Variants in GRIK4 observed in about 807,000 individuals in gnomAD.
GRIK4 encodes glutamate receptor ionotropic, kainate 4.
Under a neutral mutation model 104.9 loss-of-function variants are expected in GRIK4, and 40 were observed. The ratio of observed to expected loss-of-function variants is 0.38; its 90% CI spans 0.30 to 0.50. The LOEUF (loss-of-function observed/expected upper bound fraction) is 0.50, where lower values mean the gene tolerates loss of function less well. Among genes scored for constraint, GRIK4 ranks in the 20% least tolerant of loss-of-function variants. The pLI, the probability that GRIK4 is intolerant of heterozygous loss-of-function variation, is 0.93. For missense variants in GRIK4, 1,047 were observed against 1,308.1 expected (o/e 0.80, Z 3.08); for synonymous variants, 485 against 524.9 (o/e 0.92, Z 1.04).
chr11:120,533,494 C>T (rs1229983911), intron 1 of GRIK4, among the ~76,000 whole-genome samples: 1 of 152,222 alleles, frequency 6.6e-6, no homozygotes, highest in African/African-American at 2.4e-5. Flanking sequence ...TGCCTCACTG[C>T]TGCTGTCTGG....
At chr11:120,548,309 A>G (rs1948106321) in intron 1 of GRIK4, among the ~76,000 whole-genome samples, 1 of 152,086 alleles carries the variant, frequency 6.6e-6, no homozygotes, top group East Asian at 1.9e-4. Context: ...GGGGTGGGGT[A>G]GTCAAGGATG....
chr11:120,720,946 G>A (rs1393549238), intron 3 of GRIK4, among the ~76,000 whole-genome samples: 1 of 151,766 alleles, frequency 6.6e-6, no homozygotes, highest in South Asian at 2.1e-4. Flanking sequence ...ATGATTCTAG[G>A]TTCCAAAGCT....
chr11:120,641,263 C>T (rs558324167), intron 1 of GRIK4, among the ~76,000 whole-genome samples: 2 of 152,036 alleles, frequency 1.3e-5, no homozygotes, highest in East Asian at 3.9e-4. Context: ...CTAAAAAGTC[C>T]TGAATTAGTA....
At chr11:120,922,612 A>G (rs1943248915) in intron 13 of GRIK4, among the ~76,000 whole-genome samples, 1 of 152,316 alleles carries the variant, frequency 6.6e-6, no homozygotes, top group African/African-American at 2.4e-5. Flanking sequence ...TCCTGGCCAG[A>G]GTCATTATAT....
At chr11:120,891,105 G>A (rs1295990092) in intron 11 of GRIK4, among the ~76,000 whole-genome samples, 1 of 152,246 alleles carries the variant, frequency 6.6e-6, no homozygotes, top group East Asian at 1.9e-4. Flanking sequence ...TTCTAGGCAG[G>A]AGTGAGAGCT....
chr11:120,608,193 G>A (rs1013659690), intron 1 of GRIK4, among the ~76,000 whole-genome samples: 34 of 152,198 alleles, frequency 2.2e-4, no homozygotes, highest in African/African-American at 7.0e-4. Flanking sequence ...AGGTCAGGAG[G>A]CCAGCAATGA....
At chr11:120,654,368 T>C (rs1032983258) in intron 2 of GRIK4, among the ~76,000 whole-genome samples, 1 of 152,052 alleles carries the variant, frequency 6.6e-6, no homozygotes, top group African/African-American at 2.4e-5. Flanking sequence ...TTATTATCAT[T>C]ATTATTATTA....
intron 3 of GRIK4, among the ~76,000 whole-genome samples, chr11:120,737,558 G>C (rs566297465): frequency 1.7e-4 from 26 of 152,234 alleles, no homozygotes; most frequent in African/African-American, 6.3e-4. Context: ...AATTCCATTG[G>C]GCAAACGAAC....
In GRIK4 at chr11:120,973,534, G is replaced by A. The variant is rs146677957; in HGVS notation, c.2395+6211G>A. 6.5e-3 allele frequency among the ~76,000 whole-genome samples: 994 copies of A among 152,336 alleles called. 10 individuals carry two copies. The highest frequency in any genetic ancestry group is 0.022 in the African/African-American group (905 of 41,568). Reference sequence around the variant, plus strand: ...CTACGGTCATCCTTTGGAACAAGAGGTTGAGCTATATTAATAAGAGGCAAT... The same window carrying A: ...CTACGGTCATCCTTTGGAACAAGAGATTGAGCTATATTAATAAGAGGCAAT... On this transcript the variant is annotated intron_variant, in intron 19 of 20. Transcript: ENST00000527524.
At chr11:120,971,567 C>A (rs768115396) in intron 19 of GRIK4, among the ~76,000 whole-genome samples, 10 of 152,166 alleles carry the variant, frequency 6.6e-5, no homozygotes, top group Non-Finnish European at 1.5e-4. Context: ...AGGCACTGTG[C>A]GAGGCTCTGA....
intron 6 of GRIK4, among the ~76,000 whole-genome samples, chr11:120,825,832 A>G (rs1841953640): frequency 1.3e-5 from 2 of 152,134 alleles, no homozygotes; most frequent in East Asian, 1.9e-4. Context: ...ACATTTAATT[A>G]CTGTTATTTT....
chr11:120,730,158 C>T (rs775462927), intron 3 of GRIK4, among the ~76,000 whole-genome samples: 4 of 151,928 alleles, frequency 2.6e-5, no homozygotes, highest in East Asian at 1.9e-4. Flanking sequence ...AGTTCAGGAC[C>T]GGTCTGGGCA....
chr11:120,929,073 G>T (rs1477100649), intron 13 of GRIK4, among the ~76,000 whole-genome samples: 2 of 152,086 alleles, frequency 1.3e-5, no homozygotes, highest in African/African-American at 4.8e-5. Flanking sequence ...ACAATTGGGT[G>T]CTATTTACTG....
intron 3 of GRIK4, among the ~76,000 whole-genome samples, chr11:120,751,111 C>T (rs996013696): frequency 2.6e-5 from 4 of 152,002 alleles, no homozygotes; most frequent in African/African-American, 4.8e-5. Flanking sequence ...AGAGAGGGAG[C>T]GATTCTTTTC....
chr11:120,797,635 C>T (rs1317702353), intron 3 of GRIK4, among the ~76,000 whole-genome samples: 1 of 152,164 alleles, frequency 6.6e-6, no homozygotes, highest in Non-Finnish European at 1.5e-5. Context: ...CTGGTTGAGG[C>T]CGTTTCCAGC....
chr11:120,761,918 C>T (rs181911602), intron 3 of GRIK4, among the ~76,000 whole-genome samples: 41 of 152,134 alleles, frequency 2.7e-4, no homozygotes, highest in Non-Finnish European at 3.5e-4. Flanking sequence ...CATAGGATTG[C>T]CTTGGCTATA....
Position 120,826,121 on chromosome 11 carries a change from A to G in GRIK4, c.512-5731A>G, listed in dbSNP as rs548008273. ...TCTCATTTAAATTTTAGATTCTCTTATTTAAACCGTATAACTCATGATAAC... is the reference window on the plus strand; with the variant it reads ...TCTCATTTAAATTTTAGATTCTCTTGTTTAAACCGTATAACTCATGATAAC... On this transcript the variant is annotated intron_variant, in intron 6 of 20. Coordinates refer to ENST00000527524, the MANE Select transcript of GRIK4 (RefSeq NM_014619.5). Among the ~76,000 whole-genome samples the G allele has an allele frequency of 2.0e-5, 3 of 152,296 alleles. No homozygotes were observed. The South Asian group carries it at 6.2e-4, about 32-fold the overall frequency.
intron 1 of GRIK4, among the ~76,000 whole-genome samples, chr11:120,550,342 T>TGGGGGTGGGGGGAGTTG (rs1948127114): frequency 9.9e-5 from 1 of 10,096 alleles, no homozygotes; most frequent in African/African-American, 1.3e-4. Context: ...CAGGGGTTGG[T>TGGGGGTGGGGGGAGTTG]GGGGGTGGGG....
intron 1 of GRIK4, among the ~76,000 whole-genome samples, chr11:120,594,957 A>T (rs1948782886): frequency 1.3e-5 from 2 of 152,166 alleles, no homozygotes; most frequent in Non-Finnish European, 2.9e-5. Flanking sequence ...ACCCCCAGCG[A>T]GGGAGACACT....
Sources: gnomAD v4.1 joint callset for allele counts (sites outside exome capture counted in the v4.1 genomes callset) on GRCh38, gnomAD v4.1.1 for gene constraint, MANE v1.5 for transcripts, NCBI Gene and HGNC (gene_info 2026-07-23, HGNC 2026-07-21) for gene names.